Variants in SLC26A7 observed in about 807,000 individuals in gnomAD.
SLC26A7 encodes the protein anion exchange transporter.
A neutral mutation model predicts 82.5 loss-of-function variants in SLC26A7; 59 were observed. That is an observed-to-expected ratio of 0.72 (90% CI 0.58 to 0.89). The LOEUF is 0.89. Ranked by LOEUF, SLC26A7 falls within the 40% of genes least tolerant of loss-of-function variation. The pLI is 0.00. For synonymous variants in SLC26A7, 271 were observed against 274.3 expected (o/e 0.99, Z 0.12); for missense variants, 820 against 793.0 (o/e 1.03, Z -0.41).
intron 4 of SLC26A7, among the ~76,000 whole-genome samples, chr8:91,314,697 A>T (rs1812580898): frequency 4.6e-5 from 7 of 152,146 alleles, no homozygotes; most frequent in Admixed American, 3.9e-4. Context: ...AAGGAACTTG[A>T]CCTTTCAGAG....
At chr8:91,249,449 G>C (rs1329127407) in intron 1 of SLC26A7, 36 bp downstream of exon 1, 1 of 393,910 alleles carries the variant, frequency 2.5e-6, no homozygotes, top group African/African-American at 2.1e-5. Context: ...AGAATAATTA[G>C]CTGTATCATA....
At chr8:91,246,200 G>T (rs1810541822), upstream of SLC26A7, among the ~76,000 whole-genome samples, 1 of 152,104 alleles carries the variant, frequency 6.6e-6, no homozygotes, top group Non-Finnish European at 1.5e-5. Context: ...GGGTACTTTT[G>T]GATGAACATT....
At chr8:91,248,656 C>G (rs928159995), upstream of SLC26A7, among the ~76,000 whole-genome samples, 8 of 151,920 alleles carry the variant, frequency 5.3e-5, no homozygotes, top group African/African-American at 1.9e-4. Flanking sequence ...AAAGAGAACA[C>G]CTACCCCCAA....
At chr8:91,276,895 TG>T (rs1307653540) in intron 2 of SLC26A7, among the ~76,000 whole-genome samples, 6 of 152,158 alleles carry the variant, frequency 3.9e-5, no homozygotes, top group Non-Finnish European at 8.8e-5. Context: ...CTTCCTAACC[TG>T]GGGGTCTCAG....
chr8:91,376,632 T>C (rs1814524627), intron 15 of SLC26A7, among the ~76,000 whole-genome samples: 1 of 152,136 alleles, frequency 6.6e-6, no homozygotes, highest in Non-Finnish European at 1.5e-5. Context: ...TCTTCTGCAC[T>C]ATCACTGTGT....
chr8:91,358,420 CT>C (rs1484136892), intron 11 of SLC26A7, among the ~76,000 whole-genome samples: 10 of 151,670 alleles, frequency 6.6e-5, no homozygotes, highest in African/African-American at 1.9e-4. Context: ...GCTCCACCTC[CT>C]TGGGTTCATG....
At chr8:91,384,212 T>A (rs1814738626) in intron 15 of SLC26A7, among the ~76,000 whole-genome samples, 1 of 152,146 alleles carries the variant, frequency 6.6e-6, no homozygotes, top group Admixed American at 6.5e-5. Context: ...AGAACTCATA[T>A]CCTTGCCCTT....
intron 2 of SLC26A7, among the ~76,000 whole-genome samples, chr8:91,253,915 T>C (rs1264771509): frequency 6.6e-6 from 1 of 152,146 alleles, no homozygotes; most frequent in South Asian, 2.1e-4. Flanking sequence ...CCAACAATTG[T>C]TCCATTGCAG....
intron 15 of SLC26A7, among the ~76,000 whole-genome samples, chr8:91,375,863 G>A (rs1450800410): frequency 6.6e-6 from 1 of 151,620 alleles, no homozygotes; most frequent in Non-Finnish European, 1.5e-5. Context: ...TCTTCTCTCA[G>A]GTATGCCTAT....
intron 3 of SLC26A7, among the ~76,000 whole-genome samples, chr8:91,291,566 A>C (rs1325108800): frequency 6.6e-6 from 1 of 152,258 alleles, no homozygotes; most frequent in African/African-American, 2.4e-5. Context: ...AGAAAAAGGC[A>C]AAACAAGTTT....
At chr8:91,219,248 T>C (rs894527164) in intron 2 of SLC26A7, 2 of 299,872 alleles carry the variant, frequency 6.7e-6, no homozygotes. Flanking sequence ...AAGATTTGTG[T>C]GGCAAGTGAG....
rs1012330244 is a variant in SLC26A7 at position 91,249,731 on chromosome 8, G to T, written c.80G>T (p.Trp27Leu). ...HTPQCEDIIQWCRRRLPILDW... is the reference protein window; with the variant it reads ...HTPQCEDIIQLCRRRLPILDW... The stretch of plus-strand genomic sequence containing the variant: ...CCCCAGTGTGAAGACATTATACAGT[G>T]GTGTAGAAGGCGACTGCCCATTTTG... Residue 27 changes from tryptophan (W) to leucine (L), a missense_variant, in exon 2 of 19, where the codon TGG becomes TTG. By Grantham distance (61) the Trp-to-Leu change is moderately conservative. Transcript: ENST00000276609. The T allele has an allele frequency of 6.2e-7, 1 of 1,611,972 alleles. No homozygotes were observed. Among genetic ancestry groups the T allele is most frequent in the African/African-American group, 1.3e-5 (1 of 74,766 alleles).
chr8:91,253,547 GAATT>G (rs1318124663), intron 2 of SLC26A7, among the ~76,000 whole-genome samples: 3 of 152,138 alleles, frequency 2.0e-5, no homozygotes, highest in Admixed American at 1.3e-4. Flanking sequence ...ATCCTGTTCA[GAATT>G]ATTTAATGAA....
At position 91,239,227 on chromosome 8, in the gene SLC26A7, G is replaced by A. The variant is rs563939116; in HGVS notation, c.-33-10392G>A. On this transcript the variant is annotated intron_variant, in intron 2 of 5. Transcript: ENST00000522862. ...CTACTAAAAATACAAAAAATTAGCCGGGCATGGTGGCAGGTGCCTGTAGTC... is the reference window on the plus strand; with the variant it reads ...CTACTAAAAATACAAAAAATTAGCCAGGCATGGTGGCAGGTGCCTGTAGTC... Among the ~76,000 whole-genome samples the A allele has an allele frequency of 3.5e-3, 534 of 151,616 alleles. 1 individual carries two copies. Among genetic ancestry groups the A allele is most frequent in the African/African-American group, 0.012 (503 of 41,364 alleles).
At chr8:91,216,374 A>G (rs1432641321) in intron 1 of SLC26A7, among the ~76,000 whole-genome samples, 1 of 152,152 alleles carries the variant, frequency 6.6e-6, no homozygotes, top group Non-Finnish European at 1.5e-5. Context: ...TGCCTTTAAT[A>G]CTTTCTATTA....
At chr8:91,338,342 A>G in intron 7 of SLC26A7, 110 bp downstream of exon 7, 1 of 633,910 alleles carries the variant, frequency 1.6e-6, no homozygotes, top group South Asian at 3.1e-5. Flanking sequence ...ATTCTAATTA[A>G]TTTCTATTAC....
chr8:91,234,409 A>G (rs574223135), intron 2 of SLC26A7, among the ~76,000 whole-genome samples: 1 of 152,002 alleles, frequency 6.6e-6, no homozygotes, highest in Non-Finnish European at 1.5e-5. Flanking sequence ...GTTGCCTACC[A>G]GTTAGCCATT....
chr8:91,258,275 A>T (rs1265728068), intron 2 of SLC26A7, among the ~76,000 whole-genome samples: 1 of 152,132 alleles, frequency 6.6e-6, no homozygotes, highest in Non-Finnish European at 1.5e-5. Context: ...CTCTAGAGAT[A>T]AATCGCCAGC....
intron 15 of SLC26A7, among the ~76,000 whole-genome samples, chr8:91,387,314 T>A (rs1377313571): frequency 6.6e-6 from 1 of 152,230 alleles, no homozygotes; most frequent in Admixed American, 6.5e-5. Flanking sequence ...AGGCAAATAA[T>A]GAATGATAGT....
Sources: allele counts gnomAD v4.1 joint callset (sites outside exome capture counted in the v4.1 genomes callset), GRCh38; gene constraint gnomAD v4.1.1; transcripts MANE v1.5; gene names NCBI Gene and HGNC (gene_info 2026-07-23, HGNC 2026-07-21).